The following VPS13D variants were observed in gnomAD, a reference collection of about 807,000 sequenced individuals.
VPS13D encodes vacuolar protein sorting 13 homolog D.
A neutral mutation model predicts 461.9 loss-of-function variants in VPS13D; 187 were observed. The ratio of observed to expected loss-of-function variants is 0.40; its 90% CI spans 0.36 to 0.46. The LOEUF is 0.46. Ranked by LOEUF, VPS13D falls within the 20% of genes least tolerant of loss-of-function variation. The pLI is 0.60. For missense variants in VPS13D, 4,711 were observed against 5,364.9 expected (o/e 0.88, Z 3.81); for synonymous variants, 1,951 against 1,986.3 (o/e 0.98, Z 0.47).
rs540218821 is a variant in VPS13D at position 12,467,416 on chromosome 1, G to A, written c.12662+7020G>A. 8.5e-5 allele frequency among the ~76,000 whole-genome samples: 13 copies of A among 152,254 alleles called. No individual in the cohort carries two copies. The East Asian group carries it at 1.2e-3, about 14-fold the overall frequency. ...CGAACTCCTGACCTCATGATCTGCC[G>A]ACCTTGGCCTTTCAAAGTGTTGGGA... On this transcript the variant is annotated intron_variant, in intron 67 of 69. Coordinates refer to ENST00000620676, the MANE Select transcript of VPS13D (RefSeq NM_015378.4).
Position 12,303,505 on chromosome 1 carries a change from G to A in VPS13D, c.6217-1001G>A, listed in dbSNP as rs189346734. On this transcript the variant is annotated intron_variant, in intron 25 of 69. Transcript: ENST00000620676. ...CTAAGTGAGAGGGAAAGGTTTTAAT[G>A]TTGAAATACTTAAATAATGACATTT... Among the ~76,000 whole-genome samples the A allele has an allele frequency of 1.2e-3, 182 of 152,280 alleles. 1 individual carries two copies. Among genetic ancestry groups the A allele is most frequent in the African/African-American group, 4.3e-3 (179 of 41,554 alleles).
chr1:12,273,381 G>C (rs1641510973), intron 18 of VPS13D, among the ~76,000 whole-genome samples: 1 of 151,950 alleles, frequency 6.6e-6, no homozygotes, highest in South Asian at 2.1e-4. Flanking sequence ...AAGACCTGAG[G>C]GTTCACTTGT....
At chr1:12,456,317 C>G (rs1645326941) in intron 66 of VPS13D, among the ~76,000 whole-genome samples, 187 bp downstream of exon 66, 1 of 151,934 alleles carries the variant, frequency 6.6e-6, no homozygotes, top group African/African-American at 2.4e-5. Context: ...GCCTGGCCAA[C>G]ACAGTGAAAC....
At chr1:12,325,578 C>T (rs1382460621) in intron 35 of VPS13D, among the ~76,000 whole-genome samples, 2 of 152,178 alleles carry the variant, frequency 1.3e-5, no homozygotes, top group African/African-American at 2.4e-5. Context: ...TCTCTACCTA[C>T]TGTGGACAGT....
intron 13 of VPS13D, 49 bp downstream of exon 13, chr1:12,262,129 C>G (rs776035132): frequency 1.3e-6 from 2 of 1,549,656 alleles, no homozygotes; most frequent in African/African-American, 2.7e-5. Flanking sequence ...CTCTGTGGGC[C>G]AATGTCCAGG....
intron 36 of VPS13D, among the ~76,000 whole-genome samples, chr1:12,328,875 C>T (rs886118670): frequency 3.9e-5 from 6 of 152,104 alleles, no homozygotes; most frequent in African/African-American, 1.4e-4. Context: ...GAAAATCTCC[C>T]TACTCTGTTT....
chr1:12,260,649 A>G (rs750007705), intron 10 of VPS13D, 44 bp from the exon 11 acceptor site: 3 of 1,557,272 alleles, frequency 1.9e-6, no homozygotes, highest in South Asian at 1.1e-5. Flanking sequence ...TGGATCTACA[A>G]CGTTTGTGTT....
At chr1:12,236,829 T>G (rs1302349304) in intron 2 of VPS13D, among the ~76,000 whole-genome samples, 1 of 152,198 alleles carries the variant, frequency 6.6e-6, no homozygotes. Flanking sequence ...ACCAGTAACC[T>G]GGGTAGGTTA....
intron 65 of VPS13D, among the ~76,000 whole-genome samples, chr1:12,430,245 C>T (rs1418827656): frequency 1.3e-5 from 2 of 152,172 alleles, no homozygotes; most frequent in African/African-American, 4.8e-5. Flanking sequence ...TAGCGTCCTC[C>T]TGTTACTATT....
intron 2 of VPS13D, 118 bp from the exon 3 acceptor site, chr1:12,242,395 C>G (rs1386985797): frequency 1.2e-6 from 1 of 864,082 alleles, no homozygotes; most frequent in Non-Finnish European, 1.8e-6. Flanking sequence ...TTAACCTTCA[C>G]ATGACGTAGC....
At chr1:12,275,512 AAGC>A (rs1158936132) in intron 18 of VPS13D, among the ~76,000 whole-genome samples, 1 of 152,154 alleles carries the variant, frequency 6.6e-6, no homozygotes, top group Non-Finnish European at 1.5e-5. Flanking sequence ...GGGTTGGTGA[AAGC>A]AGCTCACGCC....
intron 66 of VPS13D, among the ~76,000 whole-genome samples, chr1:12,456,635 TCAA>T (rs1645332154): frequency 1.9e-5 from 1 of 53,832 alleles, no homozygotes; most frequent in Admixed American, 2.4e-4. Context: ...AGACTCCAAT[TCAA>T]AAAAAAAAAA....
chr1:12,475,048 ATGTAT>A (rs1645612743), intron 67 of VPS13D, among the ~76,000 whole-genome samples: 1 of 152,030 alleles, frequency 6.6e-6, no homozygotes, highest in East Asian at 1.9e-4. Context: ...CCTCGTCCTG[ATGTAT>A]TGTGCGGAAG....
At chr1:12,301,691 C>T (rs746807162) in intron 25 of VPS13D, among the ~76,000 whole-genome samples, 54 of 152,332 alleles carry the variant, frequency 3.5e-4, no homozygotes, top group African/African-American at 6.5e-4. Flanking sequence ...TCTCTAGCCC[C>T]GCTGCTCTCC....
At chr1:12,362,968 C>T (rs1249870750) in intron 51 of VPS13D, 104 bp from the exon 52 acceptor site, 1 of 1,576,920 alleles carries the variant, frequency 6.3e-7, no homozygotes, top group East Asian at 2.2e-5. Flanking sequence ...CCTTTGGTAC[C>T]CAGATAGCTC....
intron 67 of VPS13D, among the ~76,000 whole-genome samples, chr1:12,493,482 CAAAAAAAA>C (rs899634441): frequency 3.6e-5 from 2 of 55,458 alleles, no homozygotes; most frequent in South Asian, 5.6e-4. Context: ...GACTCCATCT[CAAAAAAAA>C]AAAAAAAAAA....
intron 67 of VPS13D, among the ~76,000 whole-genome samples, chr1:12,479,741 T>C (rs1250105421): frequency 7.2e-5 from 11 of 152,180 alleles, no homozygotes; most frequent in Admixed American, 6.5e-4. Context: ...CCAAAGCATC[T>C]GACCAAGTGT....
At chr1:12,304,916 T>A (rs1403422780) in intron 26 of VPS13D, among the ~76,000 whole-genome samples, 188 bp downstream of exon 26, 1 of 152,072 alleles carries the variant, frequency 6.6e-6, no homozygotes, top group Non-Finnish European at 1.5e-5. Flanking sequence ...TATCATTGGA[T>A]GACTTGTAAA....
intron 30 of VPS13D, among the ~76,000 whole-genome samples, chr1:12,314,944 T>C (rs1434373268): frequency 6.6e-6 from 1 of 152,252 alleles, no homozygotes; most frequent in Non-Finnish European, 1.5e-5. Context: ...TTATATAAAA[T>C]AGAAAATTAC....
Sources: gnomAD v4.1 joint callset for allele counts (sites outside exome capture counted in the v4.1 genomes callset) on GRCh38, gnomAD v4.1.1 for gene constraint, MANE v1.5 for transcripts, NCBI Gene and HGNC (gene_info 2026-07-23, HGNC 2026-07-21) for gene names.